Variants in EZR observed in about 807,000 individuals in gnomAD.
EZR encodes the protein ezrin, also known as cytovillin 2.
In EZR, 40 loss-of-function variants were observed where a neutral mutation model predicts 74.8. That is an observed-to-expected ratio of 0.53 (90% CI 0.42 to 0.70). The LOEUF is 0.70. Ranked by LOEUF, EZR falls within the 30% of genes least tolerant of loss-of-function variation. EZR has a pLI of 0.00. For synonymous variants in EZR, 341 were observed against 283.3 expected, an observed-to-expected ratio of 1.20 and a Z score of -2.05; for missense variants, 678 against 755.8, an observed-to-expected ratio of 0.90 and a Z score of 1.21.
intron 2 of EZR, among the ~76,000 whole-genome samples, chr6:158,800,857 T>C (rs1777173442): frequency 1.3e-5 from 2 of 152,184 alleles, no homozygotes; most frequent in Admixed American, 1.3e-4. Flanking sequence ...GCAAATGCAA[T>C]GGATGAAGAT....
At position 158,765,923 on chromosome 6, in the gene EZR, A is replaced by ACAAACACAAGCAAACAGAGTCT. The variant is rs1336083337; in HGVS notation, c.*969_*990dup. On this transcript the variant is annotated 3_prime_UTR_variant, in exon 14 of 14. Coordinates refer to ENST00000367075, the MANE Select transcript of EZR (RefSeq NM_001111077.2). ...CATGGCAGAGAGAGACTGCAAACAA[A>ACAAACACAAGCAAACAGAGTCT]CAAACACAAGCAAACAGAGTCTCTT... The ACAAACACAAGCAAACAGAGTCT allele has an allele frequency of 6.6e-6, 1 of 152,146 alleles. No homozygotes were observed. The highest frequency in any genetic ancestry group is 1.5e-5 in the Non-Finnish European group (1 of 68,006). 9.4% of individuals were successfully genotyped at this position (152,146 alleles called of 1,614,324 possible).
Position 158,770,837 on chromosome 6 carries a change from C to T in EZR, c.1017G>A (p.Gln339=). The change falls in exon 10 of 14, where the codon CAG becomes CAA. Residue 339 remains glutamine (Q), a synonymous_variant. Coordinates refer to ENST00000367075, the MANE Select transcript of EZR (RefSeq NM_001111077.2). ...TCAACTCCTCCTTCTCGCGCATCAT[C>T]TGCTCTTTCTCTCTCTCCACGGTTT... ...RRETVEREKE[Q]MMREKEELML... is the part of the protein sequence containing the mutation. The T allele has an allele frequency of 6.2e-7, 1 of 1,614,258 alleles. No individual in the cohort carries two copies. Among genetic ancestry groups the T allele is most frequent in the Non-Finnish European group, 8.5e-7 (1 of 1,180,044 alleles).
intron 10 of EZR, 23 bp downstream of exon 10, chr6:158,770,741 G>A (rs370931420): frequency 4.0e-4 from 638 of 1,613,940 alleles, no homozygotes; most frequent in Non-Finnish European, 4.9e-4. Flanking sequence ...CCAGTGTAGA[G>A]TGCCAGCCCC....
intron 3 of EZR, chr6:158,788,365 A>C (rs1791639508): frequency 6.6e-6 from 1 of 152,260 alleles, no homozygotes; most frequent in Non-Finnish European, 1.5e-5. Context: ...GAAGGCTGCA[A>C]GCTGAGCGTG....
In EZR at chr6:158,818,156, G is replaced by T; in HGVS notation, c.-63C>A. On this transcript the variant is annotated 5_prime_UTR_variant, in exon 2 of 14. Transcript: ENST00000367075. The stretch of plus-strand genomic sequence containing the variant: ...ACGACTATCCAGCAGCAGCGAAGAC[G>T]CTGTCCCAACCTGGAGTCAGAGCAG... 1 of 1,590,930 alleles carries T rather than the reference G, an allele frequency of 6.3e-7. No homozygotes were observed.
chr6:158,814,489 G>A (rs1777512653), intron 2 of EZR, among the ~76,000 whole-genome samples: 1 of 151,718 alleles, frequency 6.6e-6, no homozygotes, highest in Non-Finnish European at 1.5e-5. Flanking sequence ...AGCTTCCAGA[G>A]AACAAGGTCT....
chr6:158,770,657 G>A (rs1051987344), intron 10 of EZR, 107 bp downstream of exon 10: 2 of 1,305,946 alleles, frequency 1.5e-6, no homozygotes, highest in South Asian at 1.3e-5. Context: ...TGCGCTGTGG[G>A]ACACGTTCTT....
intron 7 of EZR, among the ~76,000 whole-genome samples, chr6:158,779,332 G>C (rs1354093801): frequency 6.6e-6 from 1 of 152,138 alleles, no homozygotes; most frequent in Non-Finnish European, 1.5e-5. Flanking sequence ...GAAGGAGACA[G>C]GGAGGTCTGA....
chr6:158,794,928 ACT>A (rs1474392062), intron 2 of EZR, among the ~76,000 whole-genome samples: 1 of 151,904 alleles, frequency 6.6e-6, no homozygotes, highest in African/African-American at 2.4e-5. Flanking sequence ...TACTGTTTAT[ACT>A]CTCCCTTTGC....
At chr6:158,770,070 C>T (rs1791053548) in intron 10 of EZR, 126 bp from the exon 11 acceptor site, 1 of 1,272,858 alleles carries the variant, frequency 7.9e-7, no homozygotes, top group East Asian at 2.4e-5. Context: ...GGATGTCTTC[C>T]AGTGACCCTG....
chr6:158,815,043 C>T (rs1207099467), intron 2 of EZR, among the ~76,000 whole-genome samples: 1 of 152,180 alleles, frequency 6.6e-6, no homozygotes, highest in Non-Finnish European at 1.5e-5. Context: ...CAGAGGTATC[C>T]ATCCTTTAAG....
intron 10 of EZR, among the ~76,000 whole-genome samples, chr6:158,770,557 CAA>C (rs948523949): frequency 6.0e-4 from 92 of 152,338 alleles, no homozygotes; most frequent in African/African-American, 2.2e-3. Flanking sequence ...TTTTAAAATA[CAA>C]AGTCTTAGAA....
rs79762503 is a variant in EZR, at chr6:158,802,543, T to A, written c.13-13172A>T. On this transcript the variant is annotated intron_variant, in intron 2 of 13. Coordinates refer to ENST00000367075, the MANE Select transcript of EZR (RefSeq NM_001111077.2). ...GTTTTTGGTGGTAGTGTTTTGTTTG[T>A]TTTTTGAGGCGGAGTTTCACTCTTG... 3.9e-5 allele frequency among the ~76,000 whole-genome samples: 6 copies of A among 151,952 alleles called. No homozygotes were observed. In the East Asian group the frequency reaches 1.2e-3, roughly 29 times the overall value.
rs2128566063 is a variant in EZR at position 158,770,803 on chromosome 6, G to A, written c.1051C>T (p.Leu351=). Residue 351 remains leucine (L), a synonymous_variant, in exon 10 of 14, where the codon CTG becomes TTG. Coordinates refer to ENST00000367075, the MANE Select transcript of EZR (RefSeq NM_001111077.2). The part of the protein sequence containing the change: ...MREKEELMLR[L]QDYEEKTKKA... ...TTTGTCTTCTCCTCATAGTCCTGCA[G>A]CCGCAGCATCAACTCCTCCTTCTCG... 1.9e-6 allele frequency: 3 copies of A among 1,614,166 alleles called. No homozygotes were observed. The South Asian group carries it at 3.3e-5, about 18-fold the overall frequency.
At chr6:158,772,560 G>A (rs1164918035) in intron 8 of EZR, among the ~76,000 whole-genome samples, 1 of 152,188 alleles carries the variant, frequency 6.6e-6, no homozygotes, top group Non-Finnish European at 1.5e-5. Context: ...TGGAAAACAA[G>A]GCAGAATCAC....
In EZR at chr6:158,766,240, A is replaced by C. The variant is rs1291863118; in HGVS notation, c.*674T>G. 2.0e-5 allele frequency: 3 copies of C among 152,234 alleles called. No individual in the cohort carries two copies. The highest frequency in any genetic ancestry group is 7.3e-5 in the African/African-American group (3 of 41,326). The allele number at this position is 152,234 out of a possible 1,614,324, so 9.4% of individuals were successfully genotyped here. ...TCTGTATTATCACTTGTATATAAAT[A>C]GTATATAGCTGATCATTAATAAGGT... On this transcript the variant is annotated 3_prime_UTR_variant, in exon 14 of 14. Transcript: ENST00000367075.
At chr6:158,771,031 G>T in intron 9 of EZR, 137 bp from the exon 10 acceptor site, 1 of 1,414,808 alleles carries the variant, frequency 7.1e-7, no homozygotes, top group African/African-American at 1.4e-5. Context: ...GCCAGCCTGA[G>T]CTGCCTGACG....
intron 2 of EZR, among the ~76,000 whole-genome samples, chr6:158,790,609 G>A (rs527245175): frequency 3.9e-5 from 6 of 152,326 alleles, no homozygotes; most frequent in South Asian, 4.1e-4. Flanking sequence ...AGGAGGCGGA[G>A]GTTGCAGTGA....
intron 2 of EZR, among the ~76,000 whole-genome samples, chr6:158,797,149 A>T (rs1777090585): frequency 6.6e-6 from 1 of 152,212 alleles, no homozygotes; most frequent in African/African-American, 2.4e-5. Context: ...CACACTTTTT[A>T]CAGCATAAAT....
Sources: allele counts gnomAD v4.1 joint callset (sites outside exome capture counted in the v4.1 genomes callset), GRCh38; gene constraint gnomAD v4.1.1; transcripts MANE v1.5; gene names NCBI Gene and HGNC (gene_info 2026-07-23, HGNC 2026-07-21).